The following SPPL2A variants were observed in gnomAD, a reference collection of about 807,000 sequenced individuals.
SPPL2A encodes signal peptide peptidase like 2A, also known as signal peptide peptidase-like 2A.
Under a neutral mutation model 63.8 loss-of-function variants are expected in SPPL2A, and 51 were observed. The ratio of observed to expected loss-of-function variants is 0.80; its 90% CI spans 0.64 to 1.01. The LOEUF is 1.01. Among genes scored for constraint, SPPL2A ranks in the 50% least tolerant of loss-of-function variants. The pLI is 0.00. For missense variants in SPPL2A, 553 were observed against 622.7 expected (o/e 0.89, Z 1.19); for synonymous variants, 188 against 205.8 (o/e 0.91, Z 0.74).
chr15:50,737,844 G>C (rs2141041552), intron 6 of SPPL2A, among the ~76,000 whole-genome samples: 1 of 152,204 alleles, frequency 6.6e-6, no homozygotes, highest in Admixed American at 6.5e-5. Flanking sequence ...GGCCGAGGCA[G>C]GTGGATCTCC....
chr15:50,739,544 A>T (rs1194941928), intron 6 of SPPL2A, 136 bp downstream of exon 6: 4 of 488,396 alleles, frequency 8.2e-6, no homozygotes, highest in South Asian at 3.7e-5. Context: ...TCTGATAATT[A>T]AAAAAAAATT....
At chr15:50,733,436 T>G (rs1450440298) in intron 8 of SPPL2A, among the ~76,000 whole-genome samples, 3 of 152,204 alleles carry the variant, frequency 2.0e-5, no homozygotes, top group African/African-American at 7.2e-5. Flanking sequence ...ATCCCCCTCT[T>G]TCTTGCATAA....
chr15:50,745,881 T>C (rs1164184710), intron 5 of SPPL2A, among the ~76,000 whole-genome samples: 1 of 151,106 alleles, frequency 6.6e-6, no homozygotes, highest in African/African-American at 2.4e-5. Context: ...TGAAAACTCA[T>C]CTCTACTAAA....
chr15:50,722,112 A>G lies in SPPL2A; in HGVS notation c.1327+12T>C, dbSNP rs199712140. 2.8e-4 allele frequency: 407 copies of G among 1,458,996 alleles called. No homozygotes were observed. Among genetic ancestry groups the G allele is most frequent in the Non-Finnish European group, 2.3e-4 (240 of 1,043,876 alleles). The allele number at this position is 1,458,996 out of a possible 1,614,324, so 90.4% of individuals were successfully genotyped here. On this transcript the variant is annotated intron_variant, in intron 13 of 14. Transcript: ENST00000261854. ...AATTCAACATTTAATACAAAGAAAA[A>G]CAAAAATTTACCAACTGTAGACGAA... is the stretch of plus-strand genomic sequence containing the variant.
At chr15:50,753,419 G>A (rs8042462) in intron 1 of SPPL2A, among the ~76,000 whole-genome samples, 4,345 of 152,182 alleles carry the variant, frequency 0.029, 80 homozygotes, top group Middle Eastern at 0.097. Context: ...GCATAGCTTC[G>A]AAAATTCAGT....
At chr15:50,746,827 C>G (rs1467967655) in intron 5 of SPPL2A, 1 of 152,306 alleles carries the variant, frequency 6.6e-6, no homozygotes, top group African/African-American at 2.4e-5. Context: ...ACCACTGCAC[C>G]CAGGTAATTT....
At chr15:50,720,637 A>T (rs2062638743) in intron 13 of SPPL2A, among the ~76,000 whole-genome samples, 1 of 149,546 alleles carries the variant, frequency 6.7e-6, no homozygotes. Context: ...CTCCTGCCTC[A>T]GCGTCCCAAG....
chr15:50,720,942 G>A (rs528651181), intron 13 of SPPL2A, among the ~76,000 whole-genome samples: 4 of 152,294 alleles, frequency 2.6e-5, no homozygotes, highest in Admixed American at 2.6e-4. Context: ...GGGAGTTTAA[G>A]TTGTCCAAAG....
At position 50,704,644 on chromosome 15, in the gene SPPL2A, A is replaced by G. The variant is rs1045470219; in HGVS notation, c.*3156T>C. ...TAAAGTTATTGGTGGTGGGAGGGCA[A>G]GAGAGGAAGAGATGGCAGCTTTTTA... On this transcript the variant is annotated 3_prime_UTR_variant, in exon 15 of 15. Transcript: ENST00000261854. The G allele has an allele frequency of 1.3e-5, 2 of 152,150 alleles. No individual in the cohort carries two copies. The highest frequency in any genetic ancestry group is 2.9e-5 in the Non-Finnish European group (2 of 68,034). 9.4% of individuals were successfully genotyped at this position (152,150 alleles called of 1,614,324 possible).
At chr15:50,741,591 C>A (rs1022582916) in intron 5 of SPPL2A, among the ~76,000 whole-genome samples, 5 of 150,230 alleles carry the variant, frequency 3.3e-5, no homozygotes, top group Admixed American at 2.0e-4. Flanking sequence ...AATTCAATAT[C>A]TATTCATAGT....
At chr15:50,750,689 C>T (rs774653861) in intron 1 of SPPL2A, among the ~76,000 whole-genome samples, 2 of 152,092 alleles carry the variant, frequency 1.3e-5, no homozygotes, top group Non-Finnish European at 2.9e-5. Flanking sequence ...AACTATTGTA[C>T]CTGGGGGGAG....
chr15:50,719,429 A>G (rs1002166403), intron 14 of SPPL2A, among the ~76,000 whole-genome samples: 12 of 152,020 alleles, frequency 7.9e-5, no homozygotes, highest in Admixed American at 4.6e-4. Context: ...TATTTTTAGT[A>G]GAGACGGGTT....
chr15:50,740,345 T>C (rs1237378367), intron 5 of SPPL2A, among the ~76,000 whole-genome samples: 7 of 147,222 alleles, frequency 4.8e-5, no homozygotes, highest in Non-Finnish European at 8.9e-5. Context: ...GAGGATTGCT[T>C]GAACCCGGGA....
rs1160739143 is a variant in SPPL2A at position 50,719,850 on chromosome 15, A to C, written c.1488+90T>G. 2.0e-5 allele frequency: 18 copies of C among 894,278 alleles called. No homozygotes were observed. In the East Asian group the frequency reaches 4.5e-4, roughly 22 times the overall value. 55.4% of individuals were successfully genotyped at this position (894,278 alleles called of 1,614,324 possible). ...TATTACAGTACTTTTTGGTACATAA[A>C]AGCTTTGCTACATATAGGCTGTTCC... On this transcript the variant is annotated intron_variant, in intron 14 of 14. Coordinates refer to ENST00000261854, the MANE Select transcript of SPPL2A (RefSeq NM_032802.4).
chr15:50,719,799 C>T, intron 14 of SPPL2A, 141 bp downstream of exon 14: 1 of 482,638 alleles, frequency 2.1e-6, no homozygotes, highest in Non-Finnish European at 3.6e-6. Context: ...AATGATGATT[C>T]AATAGGTGGA....
At chr15:50,714,497 G>A (rs2062584456) in intron 14 of SPPL2A, among the ~76,000 whole-genome samples, 1 of 152,112 alleles carries the variant, frequency 6.6e-6, no homozygotes, top group African/African-American at 2.4e-5. Flanking sequence ...TGGGCATGGT[G>A]GCGCATGCTT....
At chr15:50,724,577 CAA>C (rs35349553) in intron 12 of SPPL2A, among the ~76,000 whole-genome samples, 28 of 125,118 alleles carry the variant, frequency 2.2e-4, no homozygotes, top group South Asian at 2.4e-4. Flanking sequence ...GACTCCATCT[CAA>C]AAAAAAAAAA....
chr15:50,735,493 G>GTA (rs1938254984), intron 8 of SPPL2A, among the ~76,000 whole-genome samples: 1 of 151,146 alleles, frequency 6.6e-6, no homozygotes, highest in Admixed American at 6.7e-5. Context: ...TTAAGTGTGT[G>GTA]TATATATACA....
chr15:50,726,215 C>G, intron 11 of SPPL2A, 106 bp downstream of exon 11: 2 of 1,457,432 alleles, frequency 1.4e-6, no homozygotes, highest in Non-Finnish European at 1.9e-6. Flanking sequence ...TTTTACAATA[C>G]CTTAACATGC....
Sources: gnomAD v4.1 joint callset for allele counts (sites outside exome capture counted in the v4.1 genomes callset) on GRCh38, gnomAD v4.1.1 for gene constraint, MANE v1.5 for transcripts, NCBI Gene and HGNC (gene_info 2026-07-23, HGNC 2026-07-21) for gene names.